Variants in SERINC5 observed in about 807,000 individuals in gnomAD.
SERINC5 encodes the protein serine incorporator 5, also known as chromosome 5 open reading frame 12.
SERINC5 carries 41 observed loss-of-function variants against 63.1 expected under a neutral mutation model. The ratio of observed to expected loss-of-function variants is 0.65; its 90% CI spans 0.51 to 0.84. The LOEUF is 0.84. Ranked by LOEUF, SERINC5 falls within the 40% of genes least tolerant of loss-of-function variation. The pLI, the probability that SERINC5 is intolerant of heterozygous loss-of-function variation, is 0.00. For missense variants in SERINC5, 523 were observed against 573.0 expected (o/e 0.91, Z 0.89); for synonymous variants, 222 against 215.2 (o/e 1.03, Z -0.28).
Position 80,112,256 on chromosome 5 carries a change from G to A in SERINC5, c.*30-554C>T, listed in dbSNP as rs563069942. On this transcript the variant is annotated intron_variant, in intron 12 of 12. Coordinates refer to the SERINC5 transcript ENST00000509193. Reference sequence around the variant, plus strand: ...CTGGCAGGAGGCGAGATATGCTGGCGGCAATTATTCTTTATTCTGTTATTC... The same window carrying A: ...CTGGCAGGAGGCGAGATATGCTGGCAGCAATTATTCTTTATTCTGTTATTC... Among the ~76,000 whole-genome samples the A allele has an allele frequency of 1.2e-4, 19 of 152,306 alleles. 1 individual carries two copies. Among genetic ancestry groups the A allele is most frequent in the African/African-American group, 4.6e-4 (19 of 41,572 alleles).
At chr5:80,123,889 C>T (rs79709946) in intron 11 of SERINC5, among the ~76,000 whole-genome samples, 11,209 of 152,210 alleles carry the variant, frequency 0.074, 583 homozygotes, top group East Asian at 0.21. Context: ...GTTTCTGTGC[C>T]TCTTGTTCTA....
At chr5:80,166,318 G>A in intron 7 of SERINC5, 65 bp downstream of exon 7, 1 of 1,092,352 alleles carries the variant, frequency 9.2e-7, no homozygotes, top group African/African-American at 1.6e-5. Flanking sequence ...TTAAACAATA[G>A]CTCATTCCTC....
chr5:80,170,464 C>T (rs1747576499), intron 5 of SERINC5, among the ~76,000 whole-genome samples: 1 of 152,106 alleles, frequency 6.6e-6, no homozygotes, highest in East Asian at 1.9e-4. Flanking sequence ...GAAGTCACAG[C>T]TATCTATGGG....
At position 80,113,626 on chromosome 5, in the gene SERINC5, CT is replaced by C; in HGVS notation, c.1239-2del. On this transcript the variant is annotated splice_acceptor_variant, in intron 11 of 12. Coordinates refer to the SERINC5 transcript ENST00000509193. LOFTEE classifies it high-confidence loss of function. ...TCATGGCAGGAGGTGAAAGGCACTT[CT>C]TACATGGCAGCAGCAAGAGAAAAAG... 3.4e-6 allele frequency: 1 copy of C among 296,858 alleles called. No homozygotes were observed. Among genetic ancestry groups the C allele is most frequent in the Admixed American group, 3.4e-5 (1 of 29,490 alleles). 18.4% of individuals were successfully genotyped at this position (296,858 alleles called of 1,614,324 possible).
chr5:80,174,239 T>C (rs1747866025), intron 5 of SERINC5, among the ~76,000 whole-genome samples: 1 of 151,882 alleles, frequency 6.6e-6, no homozygotes, highest in African/African-American at 2.4e-5. Context: ...TGGTGCCACA[T>C]GCCTGTAGTC....
intron 7 of SERINC5, among the ~76,000 whole-genome samples, chr5:80,161,133 C>G (rs1746896987): frequency 6.6e-6 from 1 of 151,744 alleles, no homozygotes; most frequent in Non-Finnish European, 1.5e-5. Context: ...CTTATCTTTG[C>G]TATTGTGAAC....
chr5:80,211,462 C>G (rs1477343444), intron 1 of SERINC5, among the ~76,000 whole-genome samples: 5 of 152,174 alleles, frequency 3.3e-5, no homozygotes, highest in Non-Finnish European at 7.3e-5. Context: ...GACTATGCCT[C>G]TATCATCTAT....
In SERINC5 at chr5:80,170,118, A is replaced by G. The variant is rs547872509; in HGVS notation, c.552-572T>C. Among the ~76,000 whole-genome samples, 7 of 152,302 alleles carry G rather than the reference A, an allele frequency of 4.6e-5. No homozygotes were observed. In the South Asian group the frequency reaches 1.2e-3, roughly 27 times the overall value. On this transcript the variant is annotated intron_variant, in intron 5 of 11. Transcript: ENST00000507668. Reference sequence around the variant, plus strand: ...AGATATGATCAACATTCAAAAAGGGAGTAAAGGAAGAGTTAATTATGTAGT... The same window carrying G: ...AGATATGATCAACATTCAAAAAGGGGGTAAAGGAAGAGTTAATTATGTAGT...
At chr5:80,195,221 G>C (rs1210388001) in intron 2 of SERINC5, among the ~76,000 whole-genome samples, 3 of 151,750 alleles carry the variant, frequency 2.0e-5, no homozygotes, top group Non-Finnish European at 4.4e-5. Flanking sequence ...GGGAGGCAGA[G>C]GTTGTGGTGA....
intron 11 of SERINC5, among the ~76,000 whole-genome samples, chr5:80,145,618 A>G (rs112713266): frequency 3.9e-5 from 6 of 152,244 alleles, no homozygotes; most frequent in African/African-American, 1.2e-4. Flanking sequence ...AGGAGTTCCT[A>G]TTTTTCCTTC....
At chr5:80,167,861 C>T (rs554775027) in intron 6 of SERINC5, among the ~76,000 whole-genome samples, 2 of 152,302 alleles carry the variant, frequency 1.3e-5, no homozygotes, top group Admixed American at 6.5e-5. Context: ...TAAAAGGATG[C>T]AGTTTTTACT....
chr5:80,140,328 AAAAAGGCT>A lies in SERINC5; in HGVS notation c.*3327_*3334del. The A allele has an allele frequency of 1.1e-6, 1 of 912,216 alleles. No homozygotes were observed. The highest frequency in any genetic ancestry group is 1.3e-6 in the Non-Finnish European group (1 of 765,798). 56.5% of individuals were successfully genotyped at this position (912,216 alleles called of 1,614,324 possible). A position where few individuals can be genotyped will look rare whatever the true frequency, so the allele number is the denominator to read the frequency against. On this transcript the variant is annotated 3_prime_UTR_variant, in exon 12 of 12. Transcript: ENST00000507668. Reference sequence around the variant, plus strand: ...TCCAAAAAAAAAAAAAAAAAAAAAAAAAAAGGCTTAGGGTGACAATTTTGACATGGGGA... The same window carrying A: ...TCCAAAAAAAAAAAAAAAAAAAAAAATAGGGTGACAATTTTGACATGGGGA...
intron 8 of SERINC5, among the ~76,000 whole-genome samples, chr5:80,154,079 AATG>A (rs747122802): frequency 4.6e-5 from 7 of 152,194 alleles, no homozygotes; most frequent in Non-Finnish European, 1.0e-4. Context: ...GCCTTTGTGC[AATG>A]ATGAAGATCA....
intron 1 of SERINC5, among the ~76,000 whole-genome samples, chr5:80,219,204 T>C (rs1272703692): frequency 2.0e-5 from 3 of 152,140 alleles, no homozygotes; most frequent in Non-Finnish European, 4.4e-5. Flanking sequence ...TCAAGACGCA[T>C]GTCCCTCCTA....
chr5:80,158,253 C>T (rs1746663713), intron 8 of SERINC5: 1 of 152,468 alleles, frequency 6.6e-6, no homozygotes, highest in African/African-American at 2.4e-5. Flanking sequence ...GCATCTGAAA[C>T]ACAGCCCACT....
rs530388756 is a variant in SERINC5 at position 80,211,975 on chromosome 5, C to T, written c.28-8922G>A. Among the ~76,000 whole-genome samples, 7 of 152,272 alleles carry T rather than the reference C, an allele frequency of 4.6e-5. No homozygotes were observed. In the East Asian group the frequency reaches 5.8e-4, roughly 13 times the overall value. On this transcript the variant is annotated intron_variant, in intron 1 of 11. Transcript: ENST00000507668. ...TGAGTTTTGGGGAGTATGAACCCCT[C>T]GGCCATATGGAAACCAACTATTCTG...
chr5:80,189,164 C>A (rs183634954), intron 2 of SERINC5, among the ~76,000 whole-genome samples: 3 of 152,058 alleles, frequency 2.0e-5, no homozygotes, highest in Admixed American at 1.3e-4. Context: ...AAAATTTGAA[C>A]GGATACTGCC....
intron 1 of SERINC5, among the ~76,000 whole-genome samples, chr5:80,205,995 A>AAC (rs370154145): frequency 6.7e-6 from 1 of 149,096 alleles, no homozygotes; most frequent in South Asian, 2.1e-4. Flanking sequence ...AAAAAAAAAA[A>AAC]CCTCAAGACT....
intron 5 of SERINC5, among the ~76,000 whole-genome samples, chr5:80,170,385 C>T (rs889926147): frequency 6.6e-5 from 10 of 152,046 alleles, no homozygotes; most frequent in Non-Finnish European, 8.8e-5. Flanking sequence ...GGCAGCCATC[C>T]GGGTTGCATG....
Sources: allele counts gnomAD v4.1 joint callset (sites outside exome capture counted in the v4.1 genomes callset), GRCh38; gene constraint gnomAD v4.1.1; transcripts MANE v1.5; gene names NCBI Gene and HGNC (gene_info 2026-07-23, HGNC 2026-07-21).